MCTS2: variants seen among roughly 807,000 people sequenced by gnomAD.
MCTS2 encodes the protein MCTS family member 2.
chr20:31,547,786 C>A, the MCTS2 span: 1 of 948,262 alleles, frequency 1.1e-6, no homozygotes, highest in Non-Finnish European at 1.7e-6. Flanking sequence ...CCTGCCACAC[C>A]AGCAGGTTGA....
the MCTS2 span, chr20:31,547,996 G>A: frequency 3.8e-6 from 6 of 1,587,072 alleles, no homozygotes; most frequent in Non-Finnish European, 5.2e-6. Flanking sequence ...AATTGGCATT[G>A]AAAATATCCA....
chr20:31,547,944 C>G, the MCTS2 span: 1 of 1,384,662 alleles, frequency 7.2e-7, no homozygotes, highest in Non-Finnish European at 1.0e-6. Flanking sequence ...GTGTTGGGGT[C>G]ATGAAGATGT....
chr20:31,547,633 A>T, the MCTS2 span: 1 of 1,577,012 alleles, frequency 6.3e-7, no homozygotes, highest in South Asian at 1.2e-5. Context: ...TAATCAAATC[A>T]TGCCTAAGAA....
chr20:31,547,455 C>T, the MCTS2 span: 1 of 581,688 alleles, frequency 1.7e-6, no homozygotes, highest in South Asian at 2.2e-5. Context: ...CCACCGGAGC[C>T]TTGCCAATTC....
chr20:31,547,879 G>A, the MCTS2 span: 2 of 1,005,810 alleles, frequency 2.0e-6, no homozygotes, highest in Non-Finnish European at 3.2e-6. Flanking sequence ...GCTGTACCCT[G>A]CTGCAGTAGA....
chr20:31,548,028 G>C, the MCTS2 span: 11 of 1,589,430 alleles, frequency 6.9e-6, no homozygotes, highest in Non-Finnish European at 9.5e-6. Context: ...ATGGGCTGTG[G>C]CACATGAAGA....
chr20:31,547,872 G>A, the MCTS2 span: 3 of 990,918 alleles, frequency 3.0e-6, no homozygotes, highest in South Asian at 1.3e-5. Flanking sequence ...GAGCTAAGCT[G>A]TACCCTGCTG....
the MCTS2 span, chr20:31,547,702 GAATTATTGTTTTTTAGACA>G: frequency 7.5e-7 from 1 of 1,330,330 alleles, no homozygotes; most frequent in African/African-American, 1.5e-5. Flanking sequence ...CGTAAGTGGG[GAATTATTGTTTTTTAGACA>G]AAGAAAGGGG....
At chr20:31,547,857 TC>T in the MCTS2 span, 1 of 961,326 alleles carries the variant, frequency 1.0e-6, no homozygotes, top group Non-Finnish European at 1.7e-6. Context: ...GTTTAACTTC[TC>T]CTGGAGCTAA....
At chr20:31,547,933 T>TG in the MCTS2 span, 1 of 1,282,932 alleles carries the variant, frequency 7.8e-7, no homozygotes, top group Non-Finnish European at 1.1e-6. Flanking sequence ...GCATGCTCTG[T>TG]GTGTTGGGGT....
At chr20:31,547,970 A>G in the MCTS2 span, 1 of 1,553,718 alleles carries the variant, frequency 6.4e-7, no homozygotes, top group Non-Finnish European at 8.9e-7. Flanking sequence ...GAAGATATTG[A>G]GAAAGTCAAC....
the MCTS2 span, chr20:31,547,530 A>C: frequency 1.2e-6 from 1 of 800,966 alleles, no homozygotes; most frequent in South Asian, 1.5e-5. Context: ...ATGAAAAGGA[A>C]AGTGTGTCCA....
At chr20:31,547,664 G>C in the MCTS2 span, 1 of 1,528,190 alleles carries the variant, frequency 6.5e-7, no homozygotes, top group Non-Finnish European at 8.9e-7. Flanking sequence ...AAAATAGTCC[G>C]ATGCCACGAA....
the MCTS2 span, chr20:31,547,789 C>A: frequency 1.1e-6 from 1 of 949,046 alleles, no homozygotes; most frequent in Non-Finnish European, 1.7e-6. Context: ...GCCACACCAG[C>A]AGGTTGATAA....
the MCTS2 span, chr20:31,547,892 C>A: frequency 3.5e-5 from 37 of 1,055,122 alleles, no homozygotes; most frequent in Non-Finnish European, 5.4e-5. Context: ...GCAGTAGATA[C>A]GATTGTAGCA....
At chr20:31,547,422 C>T in the MCTS2 span, 39 of 477,650 alleles carry the variant, frequency 8.2e-5, no homozygotes, top group Non-Finnish European at 1.4e-4. Context: ...GTGGCGCCCG[C>T]GCCGGCCTTC....
the MCTS2 span, chr20:31,547,594 G>A: frequency 6.4e-7 from 1 of 1,555,858 alleles, no homozygotes; most frequent in East Asian, 2.3e-5. Context: ...CCAACTGGTA[G>A]AGCAATTTCC....
chr20:31,547,910 C>A, the MCTS2 span: 2 of 1,163,078 alleles, frequency 1.7e-6, no homozygotes, highest in Non-Finnish European at 2.6e-6. Context: ...GCAGTCACAG[C>A]GGAAGGAAAA....
the MCTS2 span, chr20:31,547,420 C>G: frequency 3.0e-5 from 14 of 471,218 alleles, no homozygotes; most frequent in Non-Finnish European, 1.5e-5. Flanking sequence ...GCGTGGCGCC[C>G]GCGCCGGCCT....
Sources: allele counts gnomAD v4.1 joint callset, GRCh38; gene constraint gnomAD v4.1.1; transcripts MANE v1.5; gene names NCBI Gene and HGNC (gene_info 2026-07-23, HGNC 2026-07-21).